Variants in DDHD1 observed in about 807,000 individuals in gnomAD.
DDHD1 encodes phospholipase DDHD1.
Under a neutral mutation model 96.4 loss-of-function variants are expected in DDHD1, and 49 were observed. The observed-to-expected ratio is 0.51, with a 90% CI of 0.40 to 0.64. The LOEUF (loss-of-function observed/expected upper bound fraction) is 0.64, where lower values mean the gene tolerates loss of function less well. DDHD1 is among the 30% of genes least tolerant of loss of function. DDHD1 has a pLI of 0.00. For synonymous variants in DDHD1, 442 were observed against 446.5 expected (o/e 0.99, Z 0.13); for missense variants, 1,106 against 1,161.2 (o/e 0.95, Z 0.69).
chr14:53,048,429 C>T (rs1882231973), intron 12 of DDHD1: 1 of 151,726 alleles, frequency 6.6e-6, no homozygotes, highest in Non-Finnish European at 1.5e-5. Context: ...CCTCCGCCTC[C>T]CAGGTTCAAG....
chr14:53,100,222 C>T (rs1331604906), intron 2 of DDHD1, among the ~76,000 whole-genome samples: 3 of 152,030 alleles, frequency 2.0e-5, no homozygotes, highest in Non-Finnish European at 4.4e-5. Flanking sequence ...CACCTGTAAT[C>T]CTGGCACTTT....
intron 1 of DDHD1, among the ~76,000 whole-genome samples, chr14:53,146,077 A>G (rs1310752067): frequency 6.6e-6 from 1 of 152,172 alleles, no homozygotes; most frequent in Non-Finnish European, 1.5e-5. Context: ...ATTGTGGCGC[A>G]TGCCTGCAAT....
chr14:53,152,137 CCCCA>C, intron 1 of DDHD1, 120 bp downstream of exon 1: 7 of 989,962 alleles, frequency 7.1e-6, no homozygotes, highest in South Asian at 5.9e-5. Context: ...CTCCATCCTG[CCCCA>C]GCCAAACGCC....
chr14:53,038,382 G>A lies in DDHD1; in HGVS notation c.*8386C>T, dbSNP rs1881411562. 1 of 152,094 alleles carries A rather than the reference G, an allele frequency of 6.6e-6. No homozygotes were observed. Among genetic ancestry groups the A allele is most frequent in the East Asian group, 1.9e-4 (1 of 5,180 alleles). 9.4% of individuals were successfully genotyped at this position (152,094 alleles called of 1,614,324 possible). On this transcript the variant is annotated 3_prime_UTR_variant, in exon 13 of 13. Transcript: ENST00000673822. ...ATTTCTATACACCAATAACGTTCAA[G>A]CTGAGAGCAAATCAAGAACCCAATA...
chr14:53,061,125 C>T lies in DDHD1; in HGVS notation c.1842+1G>A, dbSNP rs2139861782. On this transcript the variant is annotated splice_donor_variant, in intron 8 of 12. Transcript: ENST00000673822. LOFTEE classifies it high-confidence loss of function. ...TGAAGAACACATTGCTCTTTCCTTA[C>T]CTTAAATTTTAAGGCAGGTGTTTGT... 6.2e-7 allele frequency: 1 copy of T among 1,606,790 alleles called. No individual in the cohort carries two copies. The highest frequency in any genetic ancestry group is 1.7e-4 in the Middle Eastern group (1 of 6,036).
At chr14:53,105,935 C>T in intron 1 of DDHD1, among the ~76,000 whole-genome samples, 1 of 149,338 alleles carries the variant, frequency 6.7e-6, no homozygotes, top group Admixed American at 6.7e-5. Context: ...TTTTTTGTTC[C>T]AGTGGTTCTC....
chr14:53,075,052 C>T (rs74053719), intron 4 of DDHD1, among the ~76,000 whole-genome samples: 10,788 of 152,100 alleles, frequency 0.071, 980 homozygotes, highest in African/African-American at 0.21. Flanking sequence ...CGAGGGCTTC[C>T]GTATTATCCC....
At chr14:53,115,526 T>A (rs1034115285) in intron 1 of DDHD1, among the ~76,000 whole-genome samples, 1 of 152,176 alleles carries the variant, frequency 6.6e-6, no homozygotes, top group Non-Finnish European at 1.5e-5. Flanking sequence ...AACATCAGAT[T>A]TCTCTGCAGA....
chr14:53,073,591 A>C, intron 5 of DDHD1, 150 bp downstream of exon 5: 1 of 596,474 alleles, frequency 1.7e-6, no homozygotes, highest in Non-Finnish European at 2.9e-6. Context: ...TTATTTTCTT[A>C]ATCTAGAACA....
At chr14:53,065,886 T>C (rs1566531809) in intron 6 of DDHD1, among the ~76,000 whole-genome samples, 1 of 152,210 alleles carries the variant, frequency 6.6e-6, no homozygotes, top group Non-Finnish European at 1.5e-5. Flanking sequence ...TTCTATCCAC[T>C]GACCTTTACT....
intron 3 of DDHD1, 49 bp from the exon 4 acceptor site, chr14:53,091,981 C>A: frequency 2.0e-6 from 3 of 1,518,656 alleles, no homozygotes; most frequent in Non-Finnish European, 1.8e-6. Flanking sequence ...TGAGAAATAG[C>A]ATTTCCACAA....
rs549285626 is a variant in DDHD1 at position 53,101,348 on chromosome 14, T to C, written c.1012+2335A>G. Among the ~76,000 whole-genome samples the C allele has an allele frequency of 9.9e-5, 15 of 152,240 alleles. No homozygotes were observed. The East Asian group carries it at 2.7e-3, about 27-fold the overall frequency. On this transcript the variant is annotated intron_variant, in intron 2 of 12. Coordinates refer to ENST00000673822, the MANE Select transcript of DDHD1 (RefSeq NM_001160148.2). ...AGCCAAATGTAACAAGATATAAATA[T>C]ATGTTTAATATTGAATAAAAATAAA...
intron 1 of DDHD1, among the ~76,000 whole-genome samples, chr14:53,113,349 CTTTTTT>C (rs111843777): frequency 6.5e-5 from 7 of 107,020 alleles, no homozygotes; most frequent in Admixed American, 9.5e-5. Context: ...TTTTCTTTTT[CTTTTTT>C]TTTTCTTTTT....
At chr14:53,048,160 AC>A (rs1163652165) in intron 12 of DDHD1, among the ~76,000 whole-genome samples, 2 of 152,180 alleles carry the variant, frequency 1.3e-5, no homozygotes, top group Admixed American at 6.5e-5. Flanking sequence ...TGGTAATTTA[AC>A]AATGCTTATA....
chr14:53,152,162 C>G, intron 1 of DDHD1, 99 bp downstream of exon 1: 18 of 1,249,452 alleles, frequency 1.4e-5, no homozygotes, highest in Non-Finnish European at 2.0e-5. Context: ...AGGCCTCACG[C>G]GCCTCCCTCT....
In DDHD1 at chr14:53,131,779, C is replaced by T. The variant is rs140506970; in HGVS notation, c.838+20482G>A. ...ACCTTCTACTTTATAGCCCCTCCTA[C>T]AAATCTTCCCAACAGGACACCCTCC... On this transcript the variant is annotated intron_variant, in intron 1 of 12. Transcript: ENST00000673822. Among the ~76,000 whole-genome samples the T allele has an allele frequency of 3.3e-3, 507 of 152,254 alleles. 2 individuals are homozygous for T. The highest frequency in any genetic ancestry group is 0.011 in the African/African-American group (449 of 41,558).
At chr14:53,114,400 G>A (rs1440699279) in intron 1 of DDHD1, among the ~76,000 whole-genome samples, 3 of 152,194 alleles carry the variant, frequency 2.0e-5, no homozygotes, top group African/African-American at 7.2e-5. Context: ...GGGACAGGCT[G>A]CCTCCTCAAG....
At chr14:53,120,694 G>A (rs900894743) in intron 1 of DDHD1, among the ~76,000 whole-genome samples, 6 of 152,074 alleles carry the variant, frequency 3.9e-5, no homozygotes, top group African/African-American at 1.4e-4. Context: ...ATAAACAATG[G>A]GGAAAGTATT....
intron 11 of DDHD1, chr14:53,052,611 T>G (rs1315444179): frequency 2.0e-5 from 3 of 152,014 alleles, no homozygotes; most frequent in Non-Finnish European, 4.4e-5. Context: ...ATTACATTAT[T>G]GAAGCAAGCC....
Sources: gnomAD v4.1 joint callset for allele counts (sites outside exome capture counted in the v4.1 genomes callset) on GRCh38, gnomAD v4.1.1 for gene constraint, MANE v1.5 for transcripts, NCBI Gene and HGNC (gene_info 2026-07-23, HGNC 2026-07-21) for gene names.